Variants in MYO3B observed in about 807,000 individuals in gnomAD.
The protein encoded by MYO3B is myosin IIIB.
In MYO3B, 156 loss-of-function variants were observed where a neutral mutation model predicts 174.6. The ratio of observed to expected loss-of-function variants is 0.89; its 90% CI spans 0.78 to 1.02. MYO3B has a LOEUF of 1.02. Ranked by LOEUF, MYO3B falls within the 50% of genes least tolerant of loss-of-function variation. The pLI, the probability that MYO3B is intolerant of heterozygous loss-of-function variation, is 0.00. For synonymous variants in MYO3B, 563 were observed against 569.1 expected, an observed-to-expected ratio of 0.99 and a Z score of 0.15; for missense variants, 1,632 against 1,639.4, an observed-to-expected ratio of 1.00 and a Z score of 0.08.
At chr2:170,203,495 C>CGGGGGGGGG (rs1328744987) in intron 3 of MYO3B, among the ~76,000 whole-genome samples, 2 of 3,476 alleles carry the variant, frequency 5.8e-4, no homozygotes, top group Non-Finnish European at 7.4e-4. Context: ...CAAAAGGGGG[C>CGGGGGGGGG]GGCGGGGGGG....
intron 16 of MYO3B, among the ~76,000 whole-genome samples, chr2:170,396,480 GATGGAATAGCCCAGAAATAT>G (rs2094442545): frequency 6.6e-6 from 1 of 152,066 alleles, no homozygotes; most frequent in South Asian, 2.1e-4. Flanking sequence ...GAGTCAAGTG[GATGGAATAGCCCAGAAATAT>G]AAACTCCTTA....
chr2:170,415,220 G>T (rs1430180299), intron 22 of MYO3B, among the ~76,000 whole-genome samples: 1 of 152,170 alleles, frequency 6.6e-6, no homozygotes, highest in Non-Finnish European at 1.5e-5. Context: ...TTTTATGTAG[G>T]TGCCTTTGCA....
chr2:170,651,782 T>G (rs1223251738), intron 33 of MYO3B, 48 bp downstream of exon 33: 1 of 1,513,546 alleles, frequency 6.6e-7, no homozygotes, highest in South Asian at 1.1e-5. Flanking sequence ...TTGTTTCCAG[T>G]TAATAATTCT....
Position 170,498,694 on chromosome 2 carries a change from A to C in MYO3B, c.3117A>C (p.Gly1039=), listed in dbSNP as rs1232803877. 7 of 1,596,400 alleles carry C rather than the reference A, an allele frequency of 4.4e-6. No individual in the cohort carries two copies. Among genetic ancestry groups the C allele is most frequent in the Admixed American group, 3.3e-5 (2 of 59,906 alleles). The stretch of plus-strand genomic sequence containing the variant: ...CCAGATTAGATCACTGGGTACTGGG[A>C]AAAACAAAGGTAGTTCGTTCTTTAT... ...EKSRLDHWVL[G]KTKVFLKYYH... Residue 1039 remains glycine, a synonymous_variant, in exon 26 of 35, where the codon GGA becomes GGC. Transcript: ENST00000408978.
At position 170,370,883 on chromosome 2, in the gene MYO3B, G is replaced by GCTCTCT. The variant is rs147634999; in HGVS notation, c.971+1519_971+1524dup. Among the ~76,000 whole-genome samples the GCTCTCT allele has an allele frequency of 8.0e-5, 12 of 149,800 alleles. No individual in the cohort carries two copies. The East Asian group carries it at 9.8e-4, about 12-fold the overall frequency. On this transcript the variant is annotated intron_variant, in intron 9 of 34. Transcript: ENST00000408978. Reference sequence around the variant, plus strand: ...CCTGACTTTGCCTGTCCAGATCTATGCTCTCTCTCTCTCTCTCTTTTTTTT... The same window carrying GCTCTCT: ...CCTGACTTTGCCTGTCCAGATCTATGCTCTCTCTCTCTCTCTCTCTCTCTTTTTTTT...
intron 7 of MYO3B, among the ~76,000 whole-genome samples, chr2:170,237,260 C>T (rs912136757): frequency 6.6e-6 from 1 of 152,044 alleles, no homozygotes; most frequent in African/African-American, 2.4e-5. Context: ...AGTAATAAGT[C>T]AGAAAATGGG....
At chr2:170,277,503 T>C (rs999246366) in intron 7 of MYO3B, among the ~76,000 whole-genome samples, 1 of 152,178 alleles carries the variant, frequency 6.6e-6, no homozygotes, top group African/African-American at 2.4e-5. Flanking sequence ...CTGAGTGTGA[T>C]TGCACAAAGA....
chr2:170,249,251 C>G (rs761150589), intron 7 of MYO3B, among the ~76,000 whole-genome samples: 9 of 152,216 alleles, frequency 5.9e-5, no homozygotes, highest in Non-Finnish European at 8.8e-5. Flanking sequence ...GCTCTCCTCT[C>G]TCAACAGAGT....
Position 170,652,107 on chromosome 2 carries a change from G to A in MYO3B, c.3841-1G>A, listed in dbSNP as rs761298597. ...CTGTGTGTTCTTGGCCCTCTCCACA[G>A]GGAACTCTAGAATATCAAGGGAGCA... On this transcript the variant is annotated splice_acceptor_variant, in intron 33 of 34. Coordinates refer to ENST00000408978, the MANE Select transcript of MYO3B (RefSeq NM_138995.5). LOFTEE classifies it high-confidence loss of function. 5.0e-6 allele frequency: 8 copies of A among 1,613,668 alleles called. No homozygotes were observed. Among genetic ancestry groups the A allele is most frequent in the Non-Finnish European group, 6.8e-6 (8 of 1,179,918 alleles).
At chr2:170,312,178 A>G (rs2105472118) in intron 7 of MYO3B, among the ~76,000 whole-genome samples, 1 of 152,334 alleles carries the variant, frequency 6.6e-6, no homozygotes, top group African/African-American at 2.4e-5. Flanking sequence ...TCAAGGTTTC[A>G]TCTTTTCTCA....
chr2:170,618,873 TAG>T (rs1423256267), intron 32 of MYO3B, among the ~76,000 whole-genome samples: 1 of 152,162 alleles, frequency 6.6e-6, no homozygotes, highest in Non-Finnish European at 1.5e-5. Flanking sequence ...AAGTACAGCA[TAG>T]AGAGATAAGA....
intron 7 of MYO3B, among the ~76,000 whole-genome samples, chr2:170,317,935 G>A (rs1372087446): frequency 6.6e-6 from 1 of 152,066 alleles, no homozygotes. Context: ...TTCATGGGAC[G>A]CATTGAAAAA....
At chr2:170,575,093 C>CT (rs1418222236) in intron 32 of MYO3B, among the ~76,000 whole-genome samples, 1 of 152,086 alleles carries the variant, frequency 6.6e-6, no homozygotes, top group Non-Finnish European at 1.5e-5. Flanking sequence ...GTTTGTGACA[C>CT]TTCTAATTGA....
intron 7 of MYO3B, among the ~76,000 whole-genome samples, chr2:170,291,713 G>GTTT (rs71006079): frequency 1.9e-4 from 29 of 150,148 alleles, no homozygotes; most frequent in African/African-American, 5.3e-4. Flanking sequence ...TGGATGACAG[G>GTTT]TTTTTTTTAT....
rs549414331 is a variant in MYO3B, at chr2:170,368,830, G to A, written c.816-392G>A. Among the ~76,000 whole-genome samples the A allele has an allele frequency of 9.9e-5, 15 of 151,812 alleles. No individual in the cohort carries two copies. The South Asian group carries it at 1.0e-3, about 11-fold the overall frequency. ...ATATTAGGATTTAATTGAGGTGATA[G>A]TATTTAATTCTACGTATTTCTAAAA... On this transcript the variant is annotated intron_variant, in intron 8 of 34. Transcript: ENST00000408978.
At chr2:170,502,918 T>C (rs373777569) in intron 28 of MYO3B, among the ~76,000 whole-genome samples, 87 of 152,278 alleles carry the variant, frequency 5.7e-4, no homozygotes, top group African/African-American at 2.1e-3. Flanking sequence ...ACGAAAATAG[T>C]TGGGCGGAAA....
chr2:170,464,009 T>C (rs762098882), intron 24 of MYO3B, among the ~76,000 whole-genome samples: 3 of 152,164 alleles, frequency 2.0e-5, no homozygotes, highest in Non-Finnish European at 4.4e-5. Context: ...GCGTTAGAGT[T>C]GGAAGGCCCT....
intron 8 of MYO3B, among the ~76,000 whole-genome samples, chr2:170,360,154 G>C (rs1205359947): frequency 6.6e-6 from 1 of 152,140 alleles, no homozygotes; most frequent in Admixed American, 6.5e-5. Flanking sequence ...ATTTCTGTTA[G>C]AGGATGGCTG....
At position 170,314,914 on chromosome 2, in the gene MYO3B, A is replaced by G. The variant is rs559541205; in HGVS notation, c.750-20471A>G. Reference sequence around the variant, plus strand: ...AGCATTACTCAGTTTTGTGCCCACTATGCTACTCAAGACTGGTCCATCAGT... The same window carrying G: ...AGCATTACTCAGTTTTGTGCCCACTGTGCTACTCAAGACTGGTCCATCAGT... On this transcript the variant is annotated intron_variant, in intron 7 of 34. Transcript: ENST00000408978. Among the ~76,000 whole-genome samples the G allele has an allele frequency of 5.8e-4, 88 of 152,328 alleles. 1 individual carries two copies. The highest frequency in any genetic ancestry group is 1.8e-3 in the Admixed American group (28 of 15,300).
Sources: gnomAD v4.1 joint callset for allele counts (sites outside exome capture counted in the v4.1 genomes callset) on GRCh38, gnomAD v4.1.1 for gene constraint, MANE v1.5 for transcripts, NCBI Gene and HGNC (gene_info 2026-07-23, HGNC 2026-07-21) for gene names.